SORCS2: variants seen among roughly 807,000 people sequenced by gnomAD.
SORCS2 encodes VPS10 domain-containing receptor SorCS2.
A neutral mutation model predicts 141.6 loss-of-function variants in SORCS2; 100 were observed. The ratio of observed to expected loss-of-function variants is 0.71; its 90% CI spans 0.60 to 0.83. The LOEUF is 0.83. Ranked by LOEUF, SORCS2 falls within the 40% of genes least tolerant of loss-of-function variation. SORCS2 has a pLI of 0.00. For synonymous variants in SORCS2, 789 were observed against 676.9 expected, an observed-to-expected ratio of 1.17 and a Z score of -2.57; for missense variants, 1,646 against 1,560.2, an observed-to-expected ratio of 1.05 and a Z score of -0.93.
At chr4:7,400,393 A>G (rs960286884) in intron 2 of SORCS2, among the ~76,000 whole-genome samples, 3 of 152,188 alleles carry the variant, frequency 2.0e-5, no homozygotes, top group African/African-American at 7.2e-5. Flanking sequence ...TACTCAGTGC[A>G]AAGAGGCCCC....
rs113977355 is a variant in SORCS2, at chr4:7,608,335, G to A, written c.649-29993G>A. Reference sequence around the variant, plus strand: ...CAGGATCTCCGGACCACGTCACTCAGTTTCATCATCGTCAGGGCCCTTTGA... The same window carrying A: ...CAGGATCTCCGGACCACGTCACTCAATTTCATCATCGTCAGGGCCCTTTGA... On this transcript the variant is annotated intron_variant, in intron 3 of 26. Transcript: ENST00000507866. Among the ~76,000 whole-genome samples, 937 of 152,282 alleles carry A rather than the reference G, an allele frequency of 6.2e-3. 14 individuals carry two copies. The highest frequency in any genetic ancestry group is 0.022 in the African/African-American group (899 of 41,554).
intron 2 of SORCS2, among the ~76,000 whole-genome samples, chr4:7,472,597 C>T (rs1203749249): frequency 6.6e-6 from 1 of 152,162 alleles, no homozygotes; most frequent in Non-Finnish European, 1.5e-5. Context: ...CTCCCTCCTG[C>T]CCCCTGCCGA....
intron 1 of SORCS2, among the ~76,000 whole-genome samples, chr4:7,222,438 C>A (rs1728763893): frequency 6.6e-6 from 1 of 152,114 alleles, no homozygotes; most frequent in Admixed American, 6.5e-5. Flanking sequence ...ATAGAGACAG[C>A]CATAGGGACG....
intron 1 of SORCS2, among the ~76,000 whole-genome samples, chr4:7,260,002 TC>T (rs1714207886): frequency 6.6e-6 from 1 of 152,218 alleles, no homozygotes; most frequent in African/African-American, 2.4e-5. Context: ...TGACAGAAGC[TC>T]CTGCATCTGC....
At chr4:7,679,121 A>G (rs1332658143) in intron 9 of SORCS2, among the ~76,000 whole-genome samples, 1 of 92,042 alleles carries the variant, frequency 1.1e-5, no homozygotes, top group Admixed American at 1.0e-4. Flanking sequence ...ACCCAGCAGC[A>G]CATCCAGGAA....
intron 1 of SORCS2, among the ~76,000 whole-genome samples, chr4:7,227,322 G>C (rs568929901): frequency 1.9e-4 from 29 of 152,318 alleles, no homozygotes; most frequent in Admixed American, 1.8e-3. Flanking sequence ...TATCACCGCT[G>C]GCCCTGGGTT....
rs1275457689 is a variant in SORCS2 at position 7,715,173 on chromosome 4, C to G, written c.2124-10C>G. On this transcript the variant is annotated splice_polypyrimidine_tract_variant and intron_variant, in intron 16 of 26. Coordinates refer to ENST00000507866, the MANE Select transcript of SORCS2 (RefSeq NM_020777.3). ...GCCCGTCACTTACCACTACTCTTCC[C>G]TCCTCCCAGCGACTACGGATTTGAG... The G allele has an allele frequency of 6.2e-7, 1 of 1,613,044 alleles. No homozygotes were observed. The highest frequency in any genetic ancestry group is 1.3e-5 in the African/African-American group (1 of 74,928).
At position 7,192,789 on chromosome 4, in the gene SORCS2, C is replaced by T. The variant is rs1174054162; in HGVS notation, c.143C>T (p.Ala48Val). The change falls in exon 1 of 27, where the codon GCG becomes GTG. Residue 48 changes from alanine to valine, a missense_variant. By Grantham distance (64) the Ala-to-Val change is moderately conservative (BLOSUM62 0). Coordinates refer to ENST00000507866, the MANE Select transcript of SORCS2 (RefSeq NM_020777.3). This position sits in a 1 kb window ranked among gnomAD's most constrained non-coding sequence, Gnocchi z 4.0. ...LLLLLLGACGAAGRSPEPGRL... is the reference protein window; with the variant it reads ...LLLLLLGACGVAGRSPEPGRL... The stretch of plus-strand genomic sequence containing the variant: ...CTGCTGCTGCTGGGCGCCTGCGGGG[C>T]GGCGGGGCGCTCCCCTGAGCCCGGG... 5 of 1,014,052 alleles carry T rather than the reference C, an allele frequency of 4.9e-6. No individual in the cohort carries two copies. The highest frequency in any genetic ancestry group is 5.9e-6 in the Non-Finnish European group (5 of 850,744). The allele number at this position is 1,014,052 out of a possible 1,614,324, so 62.8% of individuals were successfully genotyped here. A position where few individuals can be genotyped will look rare whatever the true frequency, so the allele number is the denominator to read the frequency against.
At chr4:7,371,731 C>A (rs1236902122) in intron 1 of SORCS2, among the ~76,000 whole-genome samples, 1 of 152,194 alleles carries the variant, frequency 6.6e-6, no homozygotes, top group Admixed American at 6.5e-5. Context: ...CCCCGGGAGC[C>A]ACGTGGAGGC....
chr4:7,485,674 C>T (rs1276274246), intron 2 of SORCS2, among the ~76,000 whole-genome samples: 2 of 152,270 alleles, frequency 1.3e-5, no homozygotes, highest in Admixed American at 6.5e-5. Flanking sequence ...GTGGACCCAG[C>T]AGAGGGTGGG....
chr4:7,495,471 A>C (rs1025840756), intron 2 of SORCS2, among the ~76,000 whole-genome samples: 3 of 152,172 alleles, frequency 2.0e-5, no homozygotes, highest in Non-Finnish European at 4.4e-5. Flanking sequence ...CCCATCCATC[A>C]GTGAGAACAG....
intron 1 of SORCS2, among the ~76,000 whole-genome samples, chr4:7,258,071 G>A (rs909471548): frequency 3.9e-5 from 6 of 152,194 alleles, no homozygotes; most frequent in Non-Finnish European, 5.9e-5. Context: ...CAGCAGGGGC[G>A]GAGTGCTTCC....
At chr4:7,392,131 GT>G (rs1723906102) in intron 1 of SORCS2, among the ~76,000 whole-genome samples, 1 of 152,232 alleles carries the variant, frequency 6.6e-6, no homozygotes, top group South Asian at 2.1e-4. Context: ...CCTGGCCCTG[GT>G]CCTGGCTATC....
intron 1 of SORCS2, among the ~76,000 whole-genome samples, chr4:7,290,568 A>G (rs1030767308): frequency 2.0e-5 from 3 of 152,284 alleles, no homozygotes; most frequent in East Asian, 3.9e-4. Context: ...AGGCCTAGAA[A>G]GGAAAAGGGT....
At position 7,416,235 on chromosome 4, in the gene SORCS2, C is replaced by T. The variant is rs17815752; in HGVS notation, c.548+19880C>T. On this transcript the variant is annotated intron_variant, in intron 2 of 26. Transcript: ENST00000507866. ...CGAGCAAACATTTGGCTGCAGCGTTCGTAGGGGACAGGGAGGAGGAAATTG... is the reference window on the plus strand; with the variant it reads ...CGAGCAAACATTTGGCTGCAGCGTTTGTAGGGGACAGGGAGGAGGAAATTG... 6.0e-3 allele frequency among the ~76,000 whole-genome samples: 919 copies of T among 152,202 alleles called. 3 individuals are homozygous for T. Among genetic ancestry groups the T allele is most frequent in the Middle Eastern group, 0.054 (16 of 294 alleles).
chr4:7,323,539 G>A (rs1411629120), intron 1 of SORCS2, among the ~76,000 whole-genome samples: 1 of 152,150 alleles, frequency 6.6e-6, no homozygotes, highest in African/African-American at 2.4e-5. Context: ...AGGGCTGGGA[G>A]GATGTGGGGA....
intron 1 of SORCS2, among the ~76,000 whole-genome samples, chr4:7,341,811 C>T (rs1272422026): frequency 6.6e-6 from 1 of 152,214 alleles, no homozygotes; most frequent in East Asian, 1.9e-4. Flanking sequence ...AAAGCATTTT[C>T]ATCTCCCCAA....
At chr4:7,707,535 A>T (rs973993166) in intron 14 of SORCS2, among the ~76,000 whole-genome samples, 4 of 152,210 alleles carry the variant, frequency 2.6e-5, no homozygotes, top group Admixed American at 1.3e-4. Context: ...GCCGCCTTCA[A>T]TTCAGTCCCA....
At chr4:7,587,924 C>A (rs1716649521) in intron 3 of SORCS2, among the ~76,000 whole-genome samples, 1 of 152,204 alleles carries the variant, frequency 6.6e-6, no homozygotes, top group South Asian at 2.1e-4. Context: ...GGATTGCTTT[C>A]CTGTGACAAC....
Sources: gnomAD v4.1 joint callset for allele counts (sites outside exome capture counted in the v4.1 genomes callset) on GRCh38, gnomAD v4.1.1 for gene constraint, Gnocchi (gnomAD v3.1) non-coding constraint, MANE v1.5 for transcripts, NCBI Gene and HGNC (gene_info 2026-07-23, HGNC 2026-07-21) for gene names.